The following HM13 variants were observed in gnomAD, a reference collection of about 807,000 sequenced individuals.
HM13 encodes histocompatibility minor 13, also known as signal peptide peptidase.
In HM13, 18 loss-of-function variants were observed where a neutral mutation model predicts 50.0. That is an observed-to-expected ratio of 0.36 (90% confidence interval 0.25 to 0.53). The LOEUF (loss-of-function observed/expected upper bound fraction) is 0.53, where lower values mean the gene tolerates loss of function less well. Ranked by LOEUF, HM13 falls within the 20% of genes least tolerant of loss-of-function variation. The pLI, the probability that HM13 is intolerant of heterozygous loss-of-function variation, is 0.90. For synonymous variants in HM13, 197 were observed against 232.6 expected, an observed-to-expected ratio of 0.85 and a Z score of 1.39; for missense variants, 393 against 552.4, an observed-to-expected ratio of 0.71 and a Z score of 2.89.
At chr20:31,562,873 G>A (rs1886302799) in intron 10 of HM13, among the ~76,000 whole-genome samples, 2 of 152,298 alleles carry the variant, frequency 1.3e-5, no homozygotes, top group African/African-American at 4.8e-5. Context: ...AGAGTAACAT[G>A]CGTATGGCAA....
chr20:31,554,681 CAA>C (rs375749810), intron 7 of HM13, 63 bp from the exon 8 acceptor site: 8,178 of 1,145,750 alleles, frequency 7.1e-3, no homozygotes, highest in Middle Eastern at 8.5e-3. Context: ...GACTCCGTCT[CAA>C]AAAAAAAAAA....
chr20:31,556,668 A>T (rs2122644240), intron 8 of HM13, among the ~76,000 whole-genome samples: 1 of 152,334 alleles, frequency 6.6e-6, no homozygotes, highest in South Asian at 2.1e-4. Context: ...ACTAGCAGTA[A>T]TAAGACGGTA....
intron 12 of HM13, 89 bp from the exon 13 acceptor site, chr20:31,569,031 G>A (rs1008415199): frequency 1.1e-6 from 1 of 902,702 alleles, no homozygotes; most frequent in Non-Finnish European, 1.7e-6. Context: ...CGCTTTCCTA[G>A]GATGGGGGTG....
rs755264444 is a variant in HM13, at chr20:31,569,197, G to A, written c.1259G>A (p.Gly420Glu). ...GGAACAGAGGCATCAGCATCGAAGG[G>A]GCTGGAGAAGAAAGAGAAATGATGC... ...KEGTEASASK[G>E]LEKKEK Residue 420 changes from glycine (G) to glutamate (E), a missense_variant, in exon 13 of 13, where the codon GGG becomes GAG. Gly to Glu is a moderately conservative substitution (Grantham distance 98). Transcript: ENST00000398174. The A allele has an allele frequency of 1.3e-5, 20 of 1,598,090 alleles. No homozygotes were observed. In the South Asian group the frequency reaches 2.1e-4, roughly 17 times the overall value.
intron 8 of HM13, among the ~76,000 whole-genome samples, chr20:31,557,257 G>A (rs974550864): frequency 3.3e-5 from 5 of 152,196 alleles, no homozygotes; most frequent in African/African-American, 1.2e-4. Flanking sequence ...AAGAAATGGA[G>A]TCCTGTAAAG....
intron 8 of HM13, among the ~76,000 whole-genome samples, chr20:31,559,267 C>G (rs1316990066): frequency 1.3e-5 from 2 of 152,240 alleles, no homozygotes; most frequent in African/African-American, 4.8e-5. Flanking sequence ...GTCCCCCTGG[C>G]TGAGCTCTGT....
chr20:31,565,001 TAA>T (rs1235004886), intron 10 of HM13, among the ~76,000 whole-genome samples: 1 of 145,210 alleles, frequency 6.9e-6, no homozygotes, highest in Non-Finnish European at 1.5e-5. Flanking sequence ...CTGTCTCTAC[TAA>T]AAATACAAAA....
intron 8 of HM13, among the ~76,000 whole-genome samples, chr20:31,557,951 G>A (rs1215097645): frequency 6.6e-6 from 1 of 152,050 alleles, no homozygotes; most frequent in African/African-American, 2.4e-5. Flanking sequence ...CAGGTGATCC[G>A]CCTGCCTCGG....
rs755306424 is a variant in HM13, at chr20:31,546,879, G to A, written c.454+1844G>A. Among the ~76,000 whole-genome samples the A allele has an allele frequency of 1.1e-4, 16 of 151,608 alleles. 1 individual carries two copies. The highest frequency in any genetic ancestry group is 2.4e-4 in the Non-Finnish European group (16 of 67,886). Reference sequence around the variant, plus strand: ...GGAGTTCGAGGCTGCAGTAAGCCACGGTCAGTGCACTCCAGCCTGGGCGAC... The same window carrying A: ...GGAGTTCGAGGCTGCAGTAAGCCACAGTCAGTGCACTCCAGCCTGGGCGAC... On this transcript the variant is annotated intron_variant, in intron 4 of 12. Transcript: ENST00000398174.
chr20:31,562,956 G>C (rs894652771), intron 10 of HM13, among the ~76,000 whole-genome samples: 1 of 152,042 alleles, frequency 6.6e-6, no homozygotes, highest in Non-Finnish European at 1.5e-5. Context: ...TGCAGCTCCC[G>C]GCCCCTTATT....
chr20:31,565,649 G>C (rs1204717068), intron 10 of HM13, among the ~76,000 whole-genome samples: 1 of 152,152 alleles, frequency 6.6e-6, no homozygotes. Flanking sequence ...AGATGTTCAT[G>C]AACAGGGTCT....
At chr20:31,542,217 C>T (rs775690694) in intron 3 of HM13, among the ~76,000 whole-genome samples, 4 of 152,232 alleles carry the variant, frequency 2.6e-5, no homozygotes, top group Admixed American at 6.5e-5. Context: ...AGGCAGGGGC[C>T]GCAGCCTGCC....
intron 7 of HM13, among the ~76,000 whole-genome samples, chr20:31,551,823 C>T (rs1415989885): frequency 6.6e-6 from 1 of 152,196 alleles, no homozygotes; most frequent in Non-Finnish European, 1.5e-5. Flanking sequence ...GCCTTTCTCC[C>T]TGCGTTGAGG....
chr20:31,550,155 C>T (rs759561510), intron 7 of HM13, 34 bp downstream of exon 7: 3 of 1,571,000 alleles, frequency 1.9e-6, no homozygotes, highest in South Asian at 1.1e-5. Flanking sequence ...GAACCCCTTC[C>T]CCCACCCCTG....
rs1392869126 is a variant in HM13, at chr20:31,569,357, A to G, written c.*138A>G. The G allele has an allele frequency of 1.8e-6, 1 of 560,754 alleles. No homozygotes were observed. The highest frequency in any genetic ancestry group is 2.9e-5 in the East Asian group (1 of 34,306). The allele number at this position is 560,754 out of a possible 1,614,324, so 34.7% of individuals were successfully genotyped here. On this transcript the variant is annotated 3_prime_UTR_variant, in exon 13 of 13. Coordinates refer to ENST00000398174, the MANE Select transcript of HM13 (RefSeq NM_178581.3). ...AGGGGGCAGCAGGATACCTCCAGCC[A>G]GGCCTCTGTGGCCTCTGTTTCCTTC...
chr20:31,531,754 C>T (rs1278199446), intron 2 of HM13, among the ~76,000 whole-genome samples: 2 of 152,052 alleles, frequency 1.3e-5, no homozygotes, highest in Admixed American at 6.6e-5. Flanking sequence ...AGGGTATCCC[C>T]ACAAGCAACC....
chr20:31,539,405 G>T, intron 3 of HM13: 4 of 985,506 alleles, frequency 4.1e-6, no homozygotes, highest in Non-Finnish European at 4.8e-6. Context: ...TCTTTGAAGG[G>T]TAGGAAACCT....
chr20:31,518,817 C>T (rs1981965710), intron 1 of HM13, among the ~76,000 whole-genome samples: 2 of 151,782 alleles, frequency 1.3e-5, no homozygotes, highest in South Asian at 4.2e-4. Context: ...CTGATTGCAC[C>T]ACTGGGCAAC....
intron 7 of HM13, chr20:31,550,492 C>T (rs1292315276): frequency 1.9e-5 from 4 of 207,338 alleles, no homozygotes; most frequent in Middle Eastern, 1.8e-3. Flanking sequence ...GCTGTCTATC[C>T]CGTGCCTCTC....
Sources: gnomAD v4.1 joint callset for allele counts (sites outside exome capture counted in the v4.1 genomes callset) on GRCh38, gnomAD v4.1.1 for gene constraint, MANE v1.5 for transcripts, NCBI Gene and HGNC (gene_info 2026-07-23, HGNC 2026-07-21) for gene names.